The following AFF3 variants were observed in gnomAD, a reference collection of about 807,000 sequenced individuals.
The protein encoded by AFF3 is ALF transcription elongation factor 3, also known as AF4/FMR2 family member 3.
In AFF3, 32 loss-of-function variants were observed where a neutral mutation model predicts 129.7. The observed-to-expected ratio is 0.25, with a 90% CI of 0.19 to 0.33. AFF3 has a LOEUF of 0.33. Among genes scored for constraint, AFF3 ranks in the 10% least tolerant of loss-of-function variants. The pLI, the probability that AFF3 is intolerant of heterozygous loss-of-function variation, is 1.00. For missense variants in AFF3, 1,373 were observed against 1,592.0 expected, an observed-to-expected ratio of 0.86 and a Z score of 2.34; for synonymous variants, 644 against 635.4, an observed-to-expected ratio of 1.01 and a Z score of -0.20.
chr2:99,648,660 T>C (rs1684908909), intron 13 of AFF3, among the ~76,000 whole-genome samples: 4 of 152,080 alleles, frequency 2.6e-5, no homozygotes, highest in Admixed American at 2.6e-4. Flanking sequence ...TGACAGGTTT[T>C]ACTTTGGAGG....
Position 100,079,072 on chromosome 2 carries a change from G to A in AFF3, c.53+25330C>T, listed in dbSNP as rs769292665. Among the ~76,000 whole-genome samples, 13 of 150,952 alleles carry A rather than the reference G, an allele frequency of 8.6e-5. No individual in the cohort carries two copies. The East Asian group carries it at 1.2e-3, about 14-fold the overall frequency. On this transcript the variant is annotated intron_variant, in intron 4 of 24. Coordinates refer to ENST00000672756, the MANE Select transcript of AFF3 (RefSeq NM_001386135.1). ...CGCCATTCTCCTGCCTCAGCCTCCC[G>A]AGTAGCTGAGACTATAGGTGCTCAC...
Position 99,547,961 on chromosome 2 carries a change from C to T in AFF3, c.*3513G>A. The T allele has an allele frequency of 4.7e-6, 1 of 212,034 alleles. No homozygotes were observed. Among genetic ancestry groups the T allele is most frequent in the Non-Finnish European group, 9.6e-6 (1 of 104,388 alleles). 13.1% of individuals were successfully genotyped at this position (212,034 alleles called of 1,614,324 possible). A position where few individuals can be genotyped will look rare whatever the true frequency, so the allele number is the denominator to read the frequency against. On this transcript the variant is annotated 3_prime_UTR_variant, in exon 25 of 25. Coordinates refer to ENST00000672756, the MANE Select transcript of AFF3 (RefSeq NM_001386135.1). ...CTTCAGATTATTTTTCCAGTACATT[C>T]CTCATTAGATTGTGGGTTTCAAGTT... is the stretch of plus-strand genomic sequence containing the variant.
In AFF3 at chr2:99,646,764, T is replaced by C. The variant is rs186469403; in HGVS notation, c.1184+2862A>G. Among the ~76,000 whole-genome samples the C allele has an allele frequency of 3.5e-3, 533 of 152,356 alleles. 1 individual carries two copies. Among genetic ancestry groups the C allele is most frequent in the Non-Finnish European group, 6.1e-3 (414 of 68,032 alleles). On this transcript the variant is annotated intron_variant, in intron 13 of 24. Coordinates refer to ENST00000672756, the MANE Select transcript of AFF3 (RefSeq NM_001386135.1). ...TTGGTTTATTCAAAAGAATAAGTAA[T>C]GTGAGAGAAAATGACATCTGTCACT...
At chr2:99,763,420 C>T (rs187055898) in intron 8 of AFF3, among the ~76,000 whole-genome samples, 293 of 152,268 alleles carry the variant, frequency 1.9e-3, no homozygotes, top group Non-Finnish European at 3.4e-3. Context: ...CAGTAGCTCA[C>T]GCCTGTAATC....
chr2:99,724,976 C>CT (rs1188763748), intron 11 of AFF3, among the ~76,000 whole-genome samples: 114 of 148,866 alleles, frequency 7.7e-4, no homozygotes, highest in African/African-American at 2.4e-3. Flanking sequence ...TATTTTTTTT[C>CT]TTTTTTTTTT....
chr2:100,033,422 C>T (rs932329428), intron 4 of AFF3, among the ~76,000 whole-genome samples: 15 of 152,168 alleles, frequency 9.9e-5, no homozygotes, highest in African/African-American at 2.7e-4. Context: ...ATGTGGGATA[C>T]GTGAATCGTT....
intron 7 of AFF3, among the ~76,000 whole-genome samples, chr2:99,919,380 T>C (rs1234004925): frequency 6.6e-6 from 1 of 152,152 alleles, no homozygotes; most frequent in Non-Finnish European, 1.5e-5. Flanking sequence ...CTGGAGGTGT[T>C]AGTTTGCCAG....
intron 17 of AFF3, among the ~76,000 whole-genome samples, chr2:99,580,263 G>A (rs1677404025): frequency 6.6e-6 from 1 of 152,042 alleles, no homozygotes; most frequent in Admixed American, 6.6e-5. Context: ...CTATGGCCAG[G>A]GAGTCAAATC....
chr2:99,944,424 G>A (rs1675362015), intron 7 of AFF3, among the ~76,000 whole-genome samples: 1 of 152,096 alleles, frequency 6.6e-6, no homozygotes, highest in Admixed American at 6.5e-5. Flanking sequence ...TAAAATTAGA[G>A]CTATTTAAAT....
intron 7 of AFF3, among the ~76,000 whole-genome samples, chr2:99,944,271 G>T (rs941787267): frequency 1.3e-5 from 2 of 152,138 alleles, no homozygotes; most frequent in African/African-American, 4.8e-5. Flanking sequence ...ACCCACTTCT[G>T]TCTTCCATAA....
chr2:99,773,332 T>G (rs914936914), intron 8 of AFF3, among the ~76,000 whole-genome samples: 6 of 152,216 alleles, frequency 3.9e-5, no homozygotes, highest in African/African-American at 1.4e-4. Context: ...AATGGTTACT[T>G]GACTCGTGAG....
At chr2:100,038,088 C>T (rs1006830581) in intron 4 of AFF3, among the ~76,000 whole-genome samples, 7 of 151,744 alleles carry the variant, frequency 4.6e-5, no homozygotes, top group African/African-American at 1.7e-4. Flanking sequence ...CTGGGAAGTC[C>T]TCATCAAGCC....
intron 4 of AFF3, among the ~76,000 whole-genome samples, chr2:100,031,334 T>C (rs1453633438): frequency 1.3e-5 from 2 of 152,246 alleles, no homozygotes; most frequent in East Asian, 3.9e-4. Flanking sequence ...GGAAGGAAGT[T>C]AGAATGATCC....
At chr2:99,950,905 T>C (rs530789434) in intron 7 of AFF3, among the ~76,000 whole-genome samples, 2 of 152,352 alleles carry the variant, frequency 1.3e-5, no homozygotes, top group South Asian at 4.1e-4. Context: ...AGACTACATA[T>C]GTCTACATCC....
At chr2:99,664,237 C>T (rs1686481408) in intron 12 of AFF3, among the ~76,000 whole-genome samples, 1 of 152,210 alleles carries the variant, frequency 6.6e-6, no homozygotes, top group Non-Finnish European at 1.5e-5. Context: ...TGTGCTATTT[C>T]CAGTTGGAAC....
rs1676208148 is a variant in AFF3 at position 99,568,729 on chromosome 2, A to T, written c.2982+123T>A. The T allele has an allele frequency of 2.1e-5, 20 of 939,774 alleles. No homozygotes were observed. In the Admixed American group the frequency reaches 3.9e-4, roughly 18 times the overall value. The allele number at this position is 939,774 out of a possible 1,614,324, so 58.2% of individuals were successfully genotyped here. On this transcript the variant is annotated intron_variant, in intron 19 of 24. Transcript: ENST00000672756. ...CATTTGATTATATAAACATTTCTCC[A>T]TTGAACAGACCCGGCCATCCTTGTA...
intron 15 of AFF3, among the ~76,000 whole-genome samples, chr2:99,590,373 C>T (rs1320166487): frequency 1.3e-5 from 2 of 152,176 alleles, no homozygotes; most frequent in Admixed American, 6.5e-5. Flanking sequence ...TCCATATGCC[C>T]CTGCACATGT....
At chr2:100,051,655 C>T (rs1686347317) in intron 4 of AFF3, among the ~76,000 whole-genome samples, 1 of 152,110 alleles carries the variant, frequency 6.6e-6, no homozygotes, top group Non-Finnish European at 1.5e-5. Context: ...TAAATTAAAA[C>T]TCAGGGGGTC....
At chr2:99,756,810 G>A (rs1267391742) in intron 8 of AFF3, among the ~76,000 whole-genome samples, 1 of 152,050 alleles carries the variant, frequency 6.6e-6, no homozygotes, top group East Asian at 1.9e-4. Context: ...ATTTTTTGTT[G>A]CAGATTATAC....
Sources: allele counts gnomAD v4.1 joint callset (sites outside exome capture counted in the v4.1 genomes callset), GRCh38; gene constraint gnomAD v4.1.1; transcripts MANE v1.5; gene names NCBI Gene and HGNC (gene_info 2026-07-23, HGNC 2026-07-21).